The following GRIN3A variants were observed in gnomAD, a reference collection of about 807,000 sequenced individuals.
GRIN3A encodes glutamate ionotropic receptor NMDA type subunit 3A.
In GRIN3A, 47 loss-of-function variants were observed where a neutral mutation model predicts 92.4. The ratio of observed to expected loss-of-function variants is 0.51; its 90% CI spans 0.40 to 0.65. GRIN3A has a LOEUF of 0.65. Among genes scored for constraint, GRIN3A ranks in the 30% least tolerant of loss-of-function variants. The pLI is 0.00. For missense variants in GRIN3A, 1,324 were observed against 1,393.1 expected (o/e 0.95, Z 0.79); for synonymous variants, 527 against 540.6 (o/e 0.97, Z 0.35).
rs151037849 is a variant in GRIN3A, at chr9:101,594,414, C to T, written c.2767-15054G>A. 8.0e-5 allele frequency: 128 copies of T among 1,599,258 alleles called. 1 individual carries two copies. In the Middle Eastern group the frequency reaches 2.2e-3, roughly 27 times the overall value. ...GGTGCTTGTAAGAAAAAGGCTCATA[C>T]GATGAGGACCAGCTTCTTGTGGATC... On this transcript the variant is annotated intron_variant, in intron 6 of 8. Transcript: ENST00000361820.
intron 6 of GRIN3A, among the ~76,000 whole-genome samples, chr9:101,582,252 C>T (rs771203542): frequency 2.6e-5 from 4 of 152,094 alleles, no homozygotes; most frequent in South Asian, 4.1e-4. Flanking sequence ...AAGAAAAGGT[C>T]GGAGATTTCA....
At chr9:101,699,915 GC>G (rs1829733066) in intron 1 of GRIN3A, among the ~76,000 whole-genome samples, 1 of 152,038 alleles carries the variant, frequency 6.6e-6, no homozygotes, top group Non-Finnish European at 1.5e-5. Context: ...CCCAGAACTT[GC>G]TTTGCCTCTT....
At chr9:101,734,933 T>G (rs1173354559) in intron 1 of GRIN3A, among the ~76,000 whole-genome samples, 1 of 151,966 alleles carries the variant, frequency 6.6e-6, no homozygotes, top group Admixed American at 6.5e-5. Context: ...TTTTATTTAA[T>G]GTGTAAAATG....
chr9:101,604,749 C>CA (rs1176918550), intron 6 of GRIN3A, among the ~76,000 whole-genome samples: 1 of 152,144 alleles, frequency 6.6e-6, no homozygotes, highest in Non-Finnish European at 1.5e-5. Flanking sequence ...CTGCCCTAAC[C>CA]ATTCCCTTTG....
intron 6 of GRIN3A, chr9:101,595,047 T>C (rs1212481748): frequency 4.3e-6 from 4 of 926,636 alleles, no homozygotes; most frequent in Non-Finnish European, 5.9e-6. Flanking sequence ...CCGGGGGCCC[T>C]GGTCGAGCAA....
intron 5 of GRIN3A, among the ~76,000 whole-genome samples, chr9:101,617,201 C>A (rs1035808929): frequency 9.6e-6 from 1 of 104,332 alleles, no homozygotes; most frequent in Non-Finnish European, 1.8e-5. Context: ...AGCGAGACTC[C>A]GTCTAAAAAA....
At chr9:101,669,177 T>A (rs1156249275) in intron 3 of GRIN3A, among the ~76,000 whole-genome samples, 1 of 152,116 alleles carries the variant, frequency 6.6e-6, no homozygotes, top group South Asian at 2.1e-4. Flanking sequence ...AGTACTCCCC[T>A]GAGCTCTGTT....
At chr9:101,607,389 A>G (rs1217552892) in intron 6 of GRIN3A, among the ~76,000 whole-genome samples, 2 of 152,198 alleles carry the variant, frequency 1.3e-5, no homozygotes, top group African/African-American at 2.4e-5. Context: ...TAATTGCTCT[A>G]TAGCAACAGA....
chr9:101,636,474 G>T (rs1272515022), intron 3 of GRIN3A, among the ~76,000 whole-genome samples: 3 of 152,118 alleles, frequency 2.0e-5, no homozygotes, highest in African/African-American at 7.2e-5. Flanking sequence ...CTGAAACTTG[G>T]AGCTATTAAG....
At chr9:101,683,005 A>G (rs1369998559) in intron 2 of GRIN3A, among the ~76,000 whole-genome samples, 1 of 152,162 alleles carries the variant, frequency 6.6e-6, no homozygotes, top group Non-Finnish European at 1.5e-5. Flanking sequence ...AAACAAAACA[A>G]AACTTGTAAA....
chr9:101,653,419 T>C (rs1400783310), intron 3 of GRIN3A, among the ~76,000 whole-genome samples: 1 of 151,980 alleles, frequency 6.6e-6, no homozygotes, highest in East Asian at 1.9e-4. Flanking sequence ...CTTATTGAAC[T>C]ATGTTAATTA....
At chr9:101,601,762 T>C (rs1443443109) in intron 6 of GRIN3A, among the ~76,000 whole-genome samples, 1 of 152,098 alleles carries the variant, frequency 6.6e-6, no homozygotes, top group Non-Finnish European at 1.5e-5. Flanking sequence ...TCTCCCTGAG[T>C]GTCTGTCTTT....
chr9:101,578,068 T>G (rs529567983), intron 7 of GRIN3A, among the ~76,000 whole-genome samples: 14 of 152,322 alleles, frequency 9.2e-5, no homozygotes, highest in East Asian at 1.9e-4. Context: ...CAAAAAAGTG[T>G]TCTGATGGAA....
intron 3 of GRIN3A, among the ~76,000 whole-genome samples, chr9:101,645,372 T>C (rs1464819787): frequency 6.6e-6 from 1 of 151,900 alleles, no homozygotes; most frequent in Non-Finnish European, 1.5e-5. Flanking sequence ...ATGTCACGTT[T>C]TCTTTATCCA....
At chr9:101,688,955 A>G (rs1829576468) in intron 1 of GRIN3A, among the ~76,000 whole-genome samples, 1 of 152,140 alleles carries the variant, frequency 6.6e-6, no homozygotes, top group South Asian at 2.1e-4. Context: ...AAACCAGGAG[A>G]CAGGATCCAA....
At chr9:101,685,307 T>C (rs1364648860) in intron 2 of GRIN3A, among the ~76,000 whole-genome samples, 1 of 134,480 alleles carries the variant, frequency 7.4e-6, no homozygotes, top group Non-Finnish European at 1.7e-5. Context: ...TTTTATCATG[T>C]CTTTTTTTTT....
At chr9:101,578,778 C>T (rs2118784595) in intron 7 of GRIN3A, among the ~76,000 whole-genome samples, 1 of 152,020 alleles carries the variant, frequency 6.6e-6, no homozygotes, top group Admixed American at 6.6e-5. Flanking sequence ...CCCCTCTGGA[C>T]CAGGGAAAAA....
chr9:101,734,574 A>G (rs1830178536), intron 1 of GRIN3A, among the ~76,000 whole-genome samples: 1 of 151,986 alleles, frequency 6.6e-6, no homozygotes, highest in Admixed American at 6.6e-5. Context: ...TATTTTGAAT[A>G]CATAGTGTAT....
At chr9:101,658,768 A>G (rs185015779) in intron 3 of GRIN3A, among the ~76,000 whole-genome samples, 4 of 149,570 alleles carry the variant, frequency 2.7e-5, no homozygotes, top group Non-Finnish European at 5.9e-5. Context: ...CTGTCTATCT[A>G]TCTATCTATC....
Sources: allele counts gnomAD v4.1 joint callset (sites outside exome capture counted in the v4.1 genomes callset), GRCh38; gene constraint gnomAD v4.1.1; transcripts MANE v1.5; gene names NCBI Gene and HGNC (gene_info 2026-07-23, HGNC 2026-07-21).